The following DOCK2 variants were observed in gnomAD, a reference collection of about 807,000 sequenced individuals.
The protein encoded by DOCK2 is dedicator of cytokinesis 2.
Under a neutral mutation model 248.9 loss-of-function variants are expected in DOCK2, and 87 were observed. The observed-to-expected ratio is 0.35, with a 90% confidence interval of 0.29 to 0.42. The LOEUF (loss-of-function observed/expected upper bound fraction) is 0.42, where lower values mean the gene tolerates loss of function less well. Among genes scored for constraint, DOCK2 ranks in the 10% least tolerant of loss-of-function variants. DOCK2 has a pLI of 1.00. For missense variants in DOCK2, 1,747 were observed against 2,300.2 expected, an observed-to-expected ratio of 0.76 and a Z score of 4.92; for synonymous variants, 805 against 821.6, an observed-to-expected ratio of 0.98 and a Z score of 0.35.
At chr5:169,876,209 C>A (rs943936539) in intron 27 of DOCK2, among the ~76,000 whole-genome samples, 2 of 152,218 alleles carry the variant, frequency 1.3e-5, no homozygotes, top group African/African-American at 4.8e-5. Context: ...CCAGACAACC[C>A]ACCCTGCTCT....
At position 169,815,495 on chromosome 5, in the gene DOCK2, A is replaced by C. The variant is rs113717529; in HGVS notation, c.2703+12289A>C. Among the ~76,000 whole-genome samples, 451 of 152,284 alleles carry C rather than the reference A, an allele frequency of 3.0e-3. 5 individuals carry two copies. The highest frequency in any genetic ancestry group is 0.01 in the African/African-American group (435 of 41,568). On this transcript the variant is annotated intron_variant, in intron 26 of 51. Transcript: ENST00000520908. Reference sequence around the variant, plus strand: ...CTCATACCCTTCTTCACTGCCTCTCAGAGCCAGGATGAGGTGAGGCATGGC... The same window carrying C: ...CTCATACCCTTCTTCACTGCCTCTCCGAGCCAGGATGAGGTGAGGCATGGC...
At chr5:169,721,001 C>T (rs1297164916) in intron 22 of DOCK2, among the ~76,000 whole-genome samples, 4 of 152,224 alleles carry the variant, frequency 2.6e-5, no homozygotes, top group African/African-American at 4.8e-5. Flanking sequence ...GGATTACAGG[C>T]GTGAGCCACT....
intron 27 of DOCK2, among the ~76,000 whole-genome samples, chr5:169,957,795 C>T (rs903279878): frequency 1.3e-5 from 2 of 152,174 alleles, no homozygotes; most frequent in African/African-American, 4.8e-5. Context: ...GGTAGAGCTC[C>T]ATGTACTGCT....
intron 27 of DOCK2, among the ~76,000 whole-genome samples, chr5:169,948,525 C>G (rs1776534318): frequency 6.6e-6 from 1 of 152,030 alleles, no homozygotes; most frequent in South Asian, 2.1e-4. Context: ...CACATAGAAA[C>G]ACATATACAT....
At chr5:169,722,335 A>G (rs1020435610) in intron 22 of DOCK2, among the ~76,000 whole-genome samples, 1 of 152,176 alleles carries the variant, frequency 6.6e-6, no homozygotes, top group African/African-American at 2.4e-5. Context: ...TCCCTGTCCT[A>G]CTGGCAGGCA....
intron 46 of DOCK2, among the ~76,000 whole-genome samples, chr5:170,074,350 T>C (rs190373313): frequency 1.3e-5 from 2 of 152,322 alleles, no homozygotes; most frequent in East Asian, 3.8e-4. Flanking sequence ...GTCTTTCCTA[T>C]TGGAGACTTT....
intron 41 of DOCK2, among the ~76,000 whole-genome samples, chr5:170,052,646 A>G (rs1216512838): frequency 6.6e-6 from 1 of 152,222 alleles, no homozygotes. Flanking sequence ...TGGAACTGGT[A>G]CTTGAACCCC....
intron 26 of DOCK2, among the ~76,000 whole-genome samples, chr5:169,806,034 A>T (rs1288660076): frequency 1.3e-5 from 2 of 152,172 alleles, no homozygotes; most frequent in African/African-American, 4.8e-5. Flanking sequence ...TCTCCTGCTC[A>T]TGAAGATGGA....
In DOCK2 at chr5:169,638,025, CAG is replaced by C. The variant is rs1457222143; in HGVS notation, c.43+657_43+658del. 2.0e-5 allele frequency among the ~76,000 whole-genome samples: 3 copies of C among 152,292 alleles called. No individual in the cohort carries two copies. In the East Asian group the frequency reaches 5.8e-4, roughly 29 times the overall value. On this transcript the variant is annotated intron_variant, in intron 1 of 51. Coordinates refer to ENST00000520908, the MANE Select transcript of DOCK2 (RefSeq NM_004946.3). ...CTCCCAGAAGCCTCTGCCTGGAGCT[CAG>C]GGGCGGAAGTGGTGGCTGGGGGAAG...
chr5:169,988,670 G>A (rs1561869109), intron 29 of DOCK2, among the ~76,000 whole-genome samples: 1 of 152,006 alleles, frequency 6.6e-6, no homozygotes, highest in Non-Finnish European at 1.5e-5. Context: ...GCACCACTAT[G>A]CTCAGCTAAT....
intron 27 of DOCK2, among the ~76,000 whole-genome samples, chr5:169,933,176 C>G (rs1775835611): frequency 6.6e-6 from 1 of 152,118 alleles, no homozygotes; most frequent in Admixed American, 6.5e-5. Context: ...TTTGGTGTAC[C>G]CTGAAAGAGA....
intron 30 of DOCK2, among the ~76,000 whole-genome samples, chr5:169,999,388 C>T (rs574180874): frequency 6.6e-6 from 1 of 152,246 alleles, no homozygotes; most frequent in South Asian, 2.1e-4. Context: ...GTGCTGGGGA[C>T]ATAGCAGCCA....
intron 41 of DOCK2, 112 bp from the exon 42 acceptor site, chr5:170,055,193 G>T: frequency 1.0e-6 from 1 of 987,056 alleles, no homozygotes; most frequent in Non-Finnish European, 1.6e-6. Context: ...TCATCATTCA[G>T]TAAAAATGTG....
chr5:170,050,204 C>G (rs1317642890), intron 40 of DOCK2, 52 bp from the exon 41 acceptor site: 1 of 1,598,058 alleles, frequency 6.3e-7, no homozygotes, highest in African/African-American at 1.3e-5. Flanking sequence ...TGCTTGGCCC[C>G]TTTCTTCACA....
chr5:169,856,073 AT>A (rs1470518906), intron 27 of DOCK2, among the ~76,000 whole-genome samples: 1 of 152,154 alleles, frequency 6.6e-6, no homozygotes, highest in Non-Finnish European at 1.5e-5. Context: ...ACTTGCTATC[AT>A]GAGAACAGCC....
chr5:169,667,587 C>T (rs949360331), intron 2 of DOCK2, among the ~76,000 whole-genome samples: 5 of 152,210 alleles, frequency 3.3e-5, no homozygotes, highest in Admixed American at 1.3e-4. Flanking sequence ...TGTAGCACAG[C>T]GCAGCAGGGT....
chr5:169,660,348 T>TAAAC (rs1014269119), intron 2 of DOCK2, among the ~76,000 whole-genome samples: 2 of 152,014 alleles, frequency 1.3e-5, no homozygotes, highest in African/African-American at 4.8e-5. Context: ...AATAAATAAA[T>TAAAC]AAACAAACAA....
chr5:170,052,429 C>T (rs1756951577), intron 41 of DOCK2, among the ~76,000 whole-genome samples: 1 of 152,166 alleles, frequency 6.6e-6, no homozygotes, highest in African/African-American at 2.4e-5. Context: ...TGGGACACAA[C>T]ATCTCCCCTG....
chr5:169,819,970 T>G (rs1375581151), intron 26 of DOCK2, among the ~76,000 whole-genome samples: 1 of 152,200 alleles, frequency 6.6e-6, no homozygotes, highest in Non-Finnish European at 1.5e-5. Flanking sequence ...ACCAGGAGAC[T>G]ATATCCCGTG....
Sources: allele counts gnomAD v4.1 joint callset (sites outside exome capture counted in the v4.1 genomes callset), GRCh38; gene constraint gnomAD v4.1.1; transcripts MANE v1.5; gene names NCBI Gene and HGNC (gene_info 2026-07-23, HGNC 2026-07-21).